The following CERS3 variants were observed in gnomAD, a reference collection of about 807,000 sequenced individuals.
CERS3 encodes ceramide synthase 3, also known as LAG1 homolog, ceramide synthase 3.
A neutral mutation model predicts 50.3 loss-of-function variants in CERS3; 33 were observed. The observed-to-expected ratio is 0.66, with a 90% CI of 0.50 to 0.88. CERS3 has a LOEUF of 0.88. CERS3 is among the 40% of genes least tolerant of loss of function. The pLI, the probability that CERS3 is intolerant of heterozygous loss-of-function variation, is 0.00. For missense variants in CERS3, 470 were observed against 460.3 expected, an observed-to-expected ratio of 1.02 and a Z score of -0.19; for synonymous variants, 176 against 155.2, an observed-to-expected ratio of 1.13 and a Z score of -0.99.
chr15:100,413,777 A>AG (rs2031676907), intron 11 of CERS3, among the ~76,000 whole-genome samples: 1 of 151,206 alleles, frequency 6.6e-6, no homozygotes, highest in South Asian at 2.1e-4. Context: ...ATACAAGAAA[A>AG]AAAAAAAAAC....
chr15:100,416,142 TC>T (rs2031886945), intron 11 of CERS3, among the ~76,000 whole-genome samples: 1 of 151,784 alleles, frequency 6.6e-6, no homozygotes, highest in South Asian at 2.1e-4. Context: ...ATTATAAAAT[TC>T]ATACAGAACC....
intron 2 of CERS3, among the ~76,000 whole-genome samples, chr15:100,507,724 TG>T (rs1395215360): frequency 6.6e-6 from 1 of 152,260 alleles, no homozygotes; most frequent in Non-Finnish European, 1.5e-5. Context: ...CTCCATCTGC[TG>T]GCATTGGCCT....
chr15:100,402,558 G>A lies in CERS3; in HGVS notation c.*155C>T. The A allele has an allele frequency of 2.9e-6, 2 of 682,910 alleles. No individual in the cohort carries two copies. The highest frequency in any genetic ancestry group is 4.8e-6 in the Non-Finnish European group (2 of 414,740). The allele number at this position is 682,910 out of a possible 1,614,324, so 42.3% of individuals were successfully genotyped here. On this transcript the variant is annotated 3_prime_UTR_variant, in exon 12 of 12. Coordinates refer to ENST00000679737, the MANE Select transcript of CERS3 (RefSeq NM_001378789.1). ...GCTTATATTTAACATTTTAACACAA[G>A]TTAACAACATTTTGGTAAACACATC...
At chr15:100,486,132 C>T (rs7180454) in intron 4 of CERS3, among the ~76,000 whole-genome samples, 18,736 of 152,192 alleles carry the variant, frequency 0.12, 2,050 homozygotes, top group African/African-American at 0.29. Flanking sequence ...TGACCAATCC[C>T]TCAAAGTAAA....
intron 2 of CERS3, among the ~76,000 whole-genome samples, chr15:100,511,939 G>A (rs12908560): frequency 1.2e-4 from 2 of 16,852 alleles, no homozygotes; most frequent in Non-Finnish European, 2.4e-4. Flanking sequence ...GAGGAGCATC[G>A]TAAGTCCACT....
Position 100,417,132 on chromosome 15 carries a change from G to A in CERS3, c.1000-14267C>T, listed in dbSNP as rs370110012. On this transcript the variant is annotated intron_variant, in intron 11 of 11. Coordinates refer to ENST00000679737, the MANE Select transcript of CERS3 (RefSeq NM_001378789.1). Reference sequence around the variant, plus strand: ...GTCTACAGCTCCCAGCGTGAGCGACGCAGAAGATGGGTGATTTCTGCATTT... The same window carrying A: ...GTCTACAGCTCCCAGCGTGAGCGACACAGAAGATGGGTGATTTCTGCATTT... Among the ~76,000 whole-genome samples the A allele has an allele frequency of 1.2e-3, 181 of 152,236 alleles. 4 individuals are homozygous for A. In the East Asian group the frequency reaches 0.026, roughly 22 times the overall value.
At chr15:100,427,102 G>C (rs2032856809) in intron 11 of CERS3, among the ~76,000 whole-genome samples, 1 of 152,186 alleles carries the variant, frequency 6.6e-6, no homozygotes, top group Non-Finnish European at 1.5e-5. Context: ...ACAGTAGTCA[G>C]CCGAGGGGTG....
At chr15:100,520,670 T>C (rs995628484) in intron 2 of CERS3, among the ~76,000 whole-genome samples, 1 of 152,176 alleles carries the variant, frequency 6.6e-6, no homozygotes, top group Non-Finnish European at 1.5e-5. Flanking sequence ...GCCTTTGCTG[T>C]TTAGCAAAAC....
At chr15:100,536,058 C>T (rs1422959923) in intron 1 of CERS3, among the ~76,000 whole-genome samples, 7 of 107,970 alleles carry the variant, frequency 6.5e-5, no homozygotes, top group African/African-American at 2.0e-4. Flanking sequence ...CATATGTGCA[C>T]GGGAAGTGGG....
chr15:100,440,976 T>C (rs7164852), intron 11 of CERS3, among the ~76,000 whole-genome samples: 77,112 of 152,054 alleles, frequency 0.51, 19,862 homozygotes, highest in Non-Finnish European at 0.56. Flanking sequence ...GTTTAATCAT[T>C]GCAGGGACGC....
chr15:100,406,932 G>A (rs775491323), intron 11 of CERS3, among the ~76,000 whole-genome samples: 43 of 152,292 alleles, frequency 2.8e-4, no homozygotes, highest in East Asian at 1.4e-3. Flanking sequence ...GGATGGCAGC[G>A]GGCAAAGAGA....
intron 1 of CERS3, chr15:100,544,441 G>C (rs2037302114): frequency 7.1e-6 from 1 of 141,570 alleles, no homozygotes; most frequent in Non-Finnish European, 1.6e-5. Flanking sequence ...GCGGGGTCAC[G>C]GGCCCTCTCT....
At chr15:100,427,849 G>A (rs538665620) in intron 11 of CERS3, among the ~76,000 whole-genome samples, 1 of 152,346 alleles carries the variant, frequency 6.6e-6, no homozygotes, top group South Asian at 2.1e-4. Context: ...AGAGACAGGT[G>A]AAGGTGGCCA....
intron 11 of CERS3, among the ~76,000 whole-genome samples, chr15:100,454,441 A>G (rs2034291115): frequency 6.6e-6 from 1 of 152,028 alleles, no homozygotes; most frequent in Admixed American, 6.6e-5. Context: ...AAAAAAATAC[A>G]TACATTGGGG....
chr15:100,473,851 C>T (rs1435715113), intron 8 of CERS3, among the ~76,000 whole-genome samples: 1 of 152,168 alleles, frequency 6.6e-6, no homozygotes, highest in Non-Finnish European at 1.5e-5. Flanking sequence ...CACAGCATTA[C>T]TCATAACAGC....
chr15:100,531,130 A>G (rs1335940493), upstream of CERS3, among the ~76,000 whole-genome samples: 1 of 152,196 alleles, frequency 6.6e-6, no homozygotes, highest in African/African-American at 2.4e-5. Flanking sequence ...TTGTAGAACC[A>G]CATGTTTTCA....
rs2037020389 is a variant in CERS3, at chr15:100,534,367, G to A, written c.-354-5292C>T. ...AAATAATAGTGATACTTACAGAGTTGTAAAAACATTGAATGAGTTAATATA... is the reference window on the plus strand; with the variant it reads ...AAATAATAGTGATACTTACAGAGTTATAAAAACATTGAATGAGTTAATATA... On this transcript the variant is annotated intron_variant, in intron 1 of 12. Coordinates refer to the CERS3 transcript ENST00000284382. Among the ~76,000 whole-genome samples, 3 of 152,236 alleles carry A rather than the reference G, an allele frequency of 2.0e-5. No homozygotes were observed. In the East Asian group the frequency reaches 5.8e-4, roughly 30 times the overall value.
At chr15:100,466,109 C>G (rs2034705490) in intron 10 of CERS3, among the ~76,000 whole-genome samples, 2 of 152,168 alleles carry the variant, frequency 1.3e-5, no homozygotes, top group Non-Finnish European at 2.9e-5. Context: ...ACATGTAACT[C>G]AATTCTCCTT....
chr15:100,456,067 G>C (rs762756396), intron 10 of CERS3, 21 bp from the exon 11 acceptor site: 1 of 1,577,730 alleles, frequency 6.3e-7, no homozygotes, highest in Non-Finnish European at 8.6e-7. Flanking sequence ...AAACAGTTGA[G>C]AGAATTTCAT....
Sources: gnomAD v4.1 joint callset for allele counts (sites outside exome capture counted in the v4.1 genomes callset) on GRCh38, gnomAD v4.1.1 for gene constraint, MANE v1.5 for transcripts, NCBI Gene and HGNC (gene_info 2026-07-23, HGNC 2026-07-21) for gene names.